RAB7B: variants seen among roughly 807,000 people sequenced by gnomAD.
RAB7B encodes the protein ras-related protein Rab-7b.
rs1571798196 is a variant in RAB7B, at chr1:205,994,097, G to A, written c.39C>T (p.Ile13=). Residue 13 remains isoleucine, a synonymous_variant, in exon 2 of 6, where the codon ATC becomes ATT. Coordinates refer to ENST00000617070, the MANE Select transcript of RAB7B (RefSeq NM_001164522.3). ...GCTTGGCTTACCCAATGGCTCCGAC[G>A]ATAATGAGTTTCAGGTCCACCTTCT... ...PRKKVDLKLI[I]VGAIGVGKTS... 4 of 398,562 alleles carry A rather than the reference G, an allele frequency of 1.0e-5. No individual in the cohort carries two copies. The highest frequency in any genetic ancestry group is 1.8e-5 in the Non-Finnish European group (4 of 226,160). 24.7% of individuals were successfully genotyped at this position (398,562 alleles called of 1,614,324 possible).
intron 5 of RAB7B, among the ~76,000 whole-genome samples, chr1:205,984,975 A>G (rs893913187): frequency 9.9e-5 from 15 of 151,470 alleles, no homozygotes; most frequent in Non-Finnish European, 1.9e-4. Context: ...GTCCTGCCCC[A>G]CCAGACCACA....
At chr1:205,980,008 A>T (rs1660459256) in intron 5 of RAB7B, among the ~76,000 whole-genome samples, 1 of 152,230 alleles carries the variant, frequency 6.6e-6, no homozygotes, top group South Asian at 2.1e-4. Flanking sequence ...GGTGGTGTCC[A>T]GCCTTGCCTC....
Position 205,977,984 on chromosome 1 carries a change from C to G in RAB7B, c.*867G>C, listed in dbSNP as rs1399573589. 2 of 152,220 alleles carry G rather than the reference C, an allele frequency of 1.3e-5. No homozygotes were observed. Among genetic ancestry groups the G allele is most frequent in the Admixed American group, 1.3e-4 (2 of 15,282 alleles). The allele number at this position is 152,220 out of a possible 1,614,324, so 9.4% of individuals were successfully genotyped here. A position where few individuals can be genotyped will look rare whatever the true frequency, so the allele number is the denominator to read the frequency against. ...GTCTCTCCCTCACCAGATGTCGGCT[C>G]CAGGAGGGCAGAGTCCCTGTGTTTT... On this transcript the variant is annotated 3_prime_UTR_variant, in exon 6 of 6. Coordinates refer to ENST00000617070, the MANE Select transcript of RAB7B (RefSeq NM_001164522.3).
At chr1:205,993,022 G>A (rs1660751173) in intron 3 of RAB7B, among the ~76,000 whole-genome samples, 1 of 152,160 alleles carries the variant, frequency 6.6e-6, no homozygotes, top group Non-Finnish European at 1.5e-5. Context: ...TCACCTGCCA[G>A]GTTTTCCAGA....
At chr1:205,981,963 C>T (rs1437685513) in intron 5 of RAB7B, among the ~76,000 whole-genome samples, 2 of 152,190 alleles carry the variant, frequency 1.3e-5, no homozygotes, top group Non-Finnish European at 2.9e-5. Flanking sequence ...TGGTTTCTTT[C>T]AGAATGTTAG....
chr1:205,996,081 TAC>T (rs1388711741), intron 1 of RAB7B, among the ~76,000 whole-genome samples: 2 of 134,168 alleles, frequency 1.5e-5, no homozygotes, highest in Non-Finnish European at 3.1e-5. Flanking sequence ...TGCTTTTTAA[TAC>T]ATTCTTTTTT....
chr1:205,985,730 A>C (rs1056309085), intron 4 of RAB7B, 65 bp from the exon 5 acceptor site: 25 of 24,006 alleles, frequency 1.0e-3, no homozygotes, highest in Non-Finnish European at 1.6e-3. Flanking sequence ...CATTGCCACC[A>C]TCACATCCCC....
chr1:205,981,440 GAT>G, intron 5 of RAB7B, among the ~76,000 whole-genome samples: 5 of 151,318 alleles, frequency 3.3e-5, no homozygotes, highest in Middle Eastern at 3.2e-3. Context: ...GTCTCTTTCA[GAT>G]AATTAACTGA....
intron 4 of RAB7B, among the ~76,000 whole-genome samples, chr1:205,986,802 G>A (rs1395729791): frequency 6.6e-5 from 10 of 152,148 alleles, no homozygotes; most frequent in African/African-American, 2.4e-4. Flanking sequence ...ATTTAGGGGA[G>A]CCAAGGTCTT....
At chr1:205,994,467 C>A in intron 1 of RAB7B, 1 of 182,184 alleles carries the variant, frequency 5.5e-6, no homozygotes, top group Non-Finnish European at 1.1e-5. Flanking sequence ...TAAACAGAGG[C>A]CTCGCAGACA....
At chr1:205,989,656 C>T (rs1660683115) in intron 4 of RAB7B, among the ~76,000 whole-genome samples, 1 of 152,120 alleles carries the variant, frequency 6.6e-6, no homozygotes, top group South Asian at 2.1e-4. Context: ...GCCCTGTTCC[C>T]CAGCCTCCGC....
At chr1:205,995,928 C>T (rs1660805399) in intron 1 of RAB7B, among the ~76,000 whole-genome samples, 1 of 152,050 alleles carries the variant, frequency 6.6e-6, no homozygotes, top group African/African-American at 2.4e-5. Context: ...TGTTAATTAC[C>T]TCAATTTAGC....
intron 1 of RAB7B, among the ~76,000 whole-genome samples, chr1:205,999,125 C>T (rs1378481238): frequency 6.6e-6 from 1 of 152,192 alleles, no homozygotes; most frequent in Non-Finnish European, 1.5e-5. Context: ...CATAGTGCCC[C>T]TGTTAGAGAG....
At chr1:205,985,795 ACCATCCC>A in intron 4 of RAB7B, 130 bp from the exon 5 acceptor site, 1 of 402,214 alleles carries the variant, frequency 2.5e-6, no homozygotes, top group Non-Finnish European at 4.4e-6. Context: ...CACCAGGCCC[ACCATCCC>A]CACCAGGCCC....
intron 5 of RAB7B, among the ~76,000 whole-genome samples, 162 bp downstream of exon 5, chr1:205,985,378 G>C (rs1408044408): frequency 1.3e-5 from 2 of 152,128 alleles, no homozygotes; most frequent in Non-Finnish European, 2.9e-5. Context: ...TCCAGAGCTG[G>C]AGTGCTGTTA....
chr1:205,998,962 T>C (rs1660849958), intron 1 of RAB7B, among the ~76,000 whole-genome samples: 1 of 152,206 alleles, frequency 6.6e-6, no homozygotes, highest in South Asian at 2.1e-4. Context: ...TTTAGAGCAG[T>C]TAAGCAGTTC....
chr1:205,993,594 T>A (rs964696768), intron 2 of RAB7B, 48 bp from the exon 3 acceptor site: 4 of 398,288 alleles, frequency 1.0e-5, no homozygotes, highest in Non-Finnish European at 1.8e-5. Flanking sequence ...CAAACACACA[T>A]GCACATGCTT....
chr1:205,990,267 G>A (rs1660697393), intron 4 of RAB7B, among the ~76,000 whole-genome samples: 1 of 152,106 alleles, frequency 6.6e-6, no homozygotes, highest in African/African-American at 2.4e-5. Flanking sequence ...GTTGTGTTGT[G>A]GGCACAACTA....
intron 4 of RAB7B, among the ~76,000 whole-genome samples, chr1:205,987,828 A>G (rs1660639808): frequency 6.6e-6 from 1 of 152,130 alleles, no homozygotes; most frequent in African/African-American, 2.4e-5. Flanking sequence ...TATTCTGGCT[A>G]TATATGCCTG....
Sources: gnomAD v4.1 joint callset for allele counts (sites outside exome capture counted in the v4.1 genomes callset) on GRCh38, gnomAD v4.1.1 for gene constraint, MANE v1.5 for transcripts, NCBI Gene and HGNC (gene_info 2026-07-23, HGNC 2026-07-21) for gene names.